Variants in EFHD1 observed in about 807,000 individuals in gnomAD.
EFHD1 encodes EF-hand domain family member D1, also known as EF-hand domain-containing protein D1.
In EFHD1, 10 loss-of-function variants were observed where a neutral mutation model predicts 17.2. That is an observed-to-expected ratio of 0.58 (90% CI 0.36 to 0.99). The LOEUF (loss-of-function observed/expected upper bound fraction) is 0.99. EFHD1 is among the 50% of genes least tolerant of loss of function. The pLI is 0.01. For synonymous variants in EFHD1, 153 were observed against 142.0 expected (o/e 1.08, Z -0.55); for missense variants, 310 against 327.5 (o/e 0.95, Z 0.41).
At chr2:232,668,988 G>A (rs752366169) in intron 2 of EFHD1, among the ~76,000 whole-genome samples, 1 of 152,188 alleles carries the variant, frequency 6.6e-6, no homozygotes, top group Non-Finnish European at 1.5e-5. Context: ...CACTGGCCTG[G>A]TGGGGCTGCC....
At chr2:232,631,434 A>C (rs1336338397), upstream of EFHD1, among the ~76,000 whole-genome samples, 2 of 151,620 alleles carry the variant, frequency 1.3e-5, no homozygotes, top group Non-Finnish European at 2.9e-5. Flanking sequence ...ACAGGTGCAT[A>C]CTACCACACC....
At chr2:232,661,330 C>G (rs1033705107) in intron 1 of EFHD1, among the ~76,000 whole-genome samples, 1 of 152,028 alleles carries the variant, frequency 6.6e-6, no homozygotes, top group South Asian at 2.1e-4. Context: ...TCTCCCAGCC[C>G]CTGGCAACCA....
chr2:232,638,703 ACT>A (rs780310010), intron 1 of EFHD1, among the ~76,000 whole-genome samples: 6 of 152,102 alleles, frequency 3.9e-5, no homozygotes, highest in Admixed American at 3.3e-4. Flanking sequence ...GAGTGAATTG[ACT>A]CTAAAAATGG....
rs36180788 is a variant in EFHD1, at chr2:232,677,274, T to TACAC, written c.586-4294_586-4291dup. On this transcript the variant is annotated intron_variant, in intron 3 of 3. Transcript: ENST00000264059. The stretch of plus-strand genomic sequence containing the variant: ...CACACATCTTTCTATAACACACACA[T>TACAC]ACACACACACACACACACACGTACA... Among the ~76,000 whole-genome samples, 1,002 of 141,446 alleles carry TACAC rather than the reference T, an allele frequency of 7.1e-3. 10 individuals are homozygous for TACAC. The highest frequency in any genetic ancestry group is 0.014 in the Middle Eastern group (4 of 290). The allele number at this position is 141,446 out of a possible 152,430, so 92.8% of individuals were successfully genotyped here.
intron 2 of EFHD1, among the ~76,000 whole-genome samples, chr2:232,670,666 A>T (rs1695049394): frequency 6.6e-6 from 1 of 152,074 alleles, no homozygotes; most frequent in Admixed American, 6.6e-5. Context: ...ATGGTTAAAA[A>T]AAAAAAGAAG....
intron 3 of EFHD1, among the ~76,000 whole-genome samples, chr2:232,674,320 C>G (rs944617170): frequency 1.3e-5 from 2 of 152,110 alleles, no homozygotes; most frequent in African/African-American, 4.8e-5. Context: ...TGTGATATAC[C>G]CACACATTTG....
At chr2:232,625,490 C>T (rs1277661561) in intron 1 of EFHD1, among the ~76,000 whole-genome samples, 2 of 152,096 alleles carry the variant, frequency 1.3e-5, no homozygotes, top group South Asian at 2.1e-4. Context: ...GATTTTTCAA[C>T]TTCCAACCCA....
rs1160779725 is a variant in EFHD1 at position 232,635,099 on chromosome 2, C to T, written c.302+1093C>T. On this transcript the variant is annotated intron_variant, in intron 1 of 3. Transcript: ENST00000264059. Reference sequence around the variant, plus strand: ...CTCCCTGACACCCTGGTTTCTTTGTCTGGCTTCCAGGCACTGATCTGTGGC... The same window carrying T: ...CTCCCTGACACCCTGGTTTCTTTGTTTGGCTTCCAGGCACTGATCTGTGGC... Among the ~76,000 whole-genome samples the T allele has an allele frequency of 2.6e-5, 4 of 152,336 alleles. No individual in the cohort carries two copies. In the East Asian group the frequency reaches 7.7e-4, roughly 29 times the overall value.
intron 2 of EFHD1, among the ~76,000 whole-genome samples, chr2:232,670,351 G>A (rs1303955403): frequency 1.3e-5 from 2 of 152,076 alleles, no homozygotes; most frequent in Admixed American, 6.6e-5. Context: ...TGAGGCGGGA[G>A]GATCACTTGA....
chr2:232,677,115 G>T (rs552873680), intron 3 of EFHD1, among the ~76,000 whole-genome samples: 3 of 150,716 alleles, frequency 2.0e-5, no homozygotes, highest in African/African-American at 7.3e-5. Context: ...GCTCACATCT[G>T]CAATCCCAGC....
chr2:232,627,882 T>C (rs550334593), intron 1 of EFHD1, among the ~76,000 whole-genome samples: 7 of 152,296 alleles, frequency 4.6e-5, no homozygotes, highest in Admixed American at 3.9e-4. Context: ...GTTATTTTTT[T>C]GTAAAACTAA....
chr2:232,633,061 T>C (rs1466777389), upstream of EFHD1, among the ~76,000 whole-genome samples: 1 of 152,236 alleles, frequency 6.6e-6, no homozygotes, highest in Non-Finnish European at 1.5e-5. Flanking sequence ...TTTTTAGTAT[T>C]TTTAGCATGT....
chr2:232,675,579 A>G (rs919838872), intron 3 of EFHD1, among the ~76,000 whole-genome samples: 1 of 152,172 alleles, frequency 6.6e-6, no homozygotes, highest in Admixed American at 6.5e-5. Context: ...GAGCTGTGAC[A>G]TGATTCCGAT....
At position 232,652,217 on chromosome 2, in the gene EFHD1, G is replaced by A. The variant is rs977303257; in HGVS notation, c.303-10585G>A. Among the ~76,000 whole-genome samples the A allele has an allele frequency of 2.6e-5, 4 of 152,196 alleles. No homozygotes were observed. The East Asian group carries it at 7.7e-4, about 29-fold the overall frequency. On this transcript the variant is annotated intron_variant, in intron 1 of 3. Transcript: ENST00000264059. ...ACAATGAATTCCTTTGCATATGTCG[G>A]TAGCCATGGGACCATGCTTTGAGGC...
chr2:232,606,345 G>T (rs1219194496), intron 1 of EFHD1, among the ~76,000 whole-genome samples: 3 of 152,210 alleles, frequency 2.0e-5, no homozygotes, highest in Admixed American at 1.3e-4. Context: ...GATCGGCTGG[G>T]CTTTTAAGCC....
At chr2:232,643,567 G>A (rs971698091) in intron 1 of EFHD1, among the ~76,000 whole-genome samples, 2 of 149,382 alleles carry the variant, frequency 1.3e-5, no homozygotes, top group African/African-American at 4.9e-5. Context: ...TTTTTTTTTA[G>A]TAGAGACGGA....
upstream of EFHD1, among the ~76,000 whole-genome samples, chr2:232,630,228 G>A (rs1694178531): frequency 6.6e-6 from 1 of 152,164 alleles, no homozygotes; most frequent in African/African-American, 2.4e-5. Flanking sequence ...GGGATTATAG[G>A]TGTGAGCCAC....
At chr2:232,640,350 G>T (rs928177680) in intron 1 of EFHD1, among the ~76,000 whole-genome samples, 1 of 152,124 alleles carries the variant, frequency 6.6e-6, no homozygotes, top group African/African-American at 2.4e-5. Context: ...AAAGATGGGC[G>T]AATGACCTAA....
intron 1 of EFHD1, among the ~76,000 whole-genome samples, chr2:232,644,988 C>T (rs1011167305): frequency 2.7e-5 from 4 of 148,780 alleles, no homozygotes; most frequent in Admixed American, 2.0e-4. Context: ...ACTATGTTGC[C>T]CTGGATGGTC....
Sources: gnomAD v4.1 joint callset for allele counts (sites outside exome capture counted in the v4.1 genomes callset) on GRCh38, gnomAD v4.1.1 for gene constraint, MANE v1.5 for transcripts, NCBI Gene and HGNC (gene_info 2026-07-23, HGNC 2026-07-21) for gene names.